XKR3: variants seen among roughly 807,000 people sequenced by gnomAD.
XKR3 encodes XK-related protein 3.
XKR3 carries 27 observed loss-of-function variants against 40.3 expected under a neutral mutation model. The ratio of observed to expected loss-of-function variants is 0.67; its 90% confidence interval spans 0.49 to 0.92. The LOEUF is 0.92. Ranked by LOEUF, XKR3 falls within the 40% of genes least tolerant of loss-of-function variation. XKR3 has a pLI of 0.00. For synonymous variants in XKR3, 193 were observed against 195.4 expected (o/e 0.99, Z 0.10); for missense variants, 472 against 537.6 (o/e 0.88, Z 1.21).
At chr22:16,789,860 A>G (rs2060106616) in intron 3 of XKR3, among the ~76,000 whole-genome samples, 1 of 152,246 alleles carries the variant, frequency 6.6e-6, no homozygotes, top group South Asian at 2.1e-4. Flanking sequence ...AGAGATGCCA[A>G]GAACACAAAA....
intron 3 of XKR3, among the ~76,000 whole-genome samples, chr22:16,797,892 G>A (rs1601843164): frequency 6.6e-6 from 1 of 151,542 alleles, no homozygotes; most frequent in East Asian, 1.9e-4. Context: ...CTCAGCATAA[G>A]TCCATGTGCA....
intron 3 of XKR3, among the ~76,000 whole-genome samples, chr22:16,787,207 TAGAAAGTTC>T (rs1029077157): frequency 6.6e-6 from 1 of 151,514 alleles, no homozygotes; most frequent in African/African-American, 2.4e-5. Flanking sequence ...AAAAGAAATC[TAGAAAGTTC>T]ATAGGATTTA....
chr22:16,803,847 T>C (rs577394320), intron 2 of XKR3, among the ~76,000 whole-genome samples: 1 of 152,298 alleles, frequency 6.6e-6, no homozygotes, highest in African/African-American at 2.4e-5. Context: ...CCAGCAGCCT[T>C]TGGGCATGCT....
intron 1 of XKR3, among the ~76,000 whole-genome samples, chr22:16,821,996 C>T (rs5994029): frequency 0.6 from 90,967 of 151,844 alleles, 27,362 homozygotes; most frequent in African/African-American, 0.61. Flanking sequence ...AAATACATGA[C>T]ATTCTTACTG....
rs953197961 is a variant in XKR3, at chr22:16,791,717, G to C, written c.590-7308C>G. On this transcript the variant is annotated intron_variant, in intron 3 of 3. Coordinates refer to ENST00000684488, the MANE Select transcript of XKR3 (RefSeq NM_001386955.1). ...AAAGAAAGGAGGCAGGGGGGAGAGA[G>C]AGAGGGAGAGAGGGAGAAAGAGGGA... is the stretch of plus-strand genomic sequence containing the variant. Among the ~76,000 whole-genome samples the C allele has an allele frequency of 2.4e-3, 344 of 145,986 alleles. 2 individuals carry two copies. The highest frequency in any genetic ancestry group is 3.8e-3 in the Admixed American group (55 of 14,566).
intron 3 of XKR3, among the ~76,000 whole-genome samples, chr22:16,796,305 A>C (rs2060140377): frequency 6.6e-6 from 1 of 152,330 alleles, no homozygotes; most frequent in South Asian, 2.1e-4. Context: ...ACGCTATTAT[A>C]ATTCAAACAA....
At chr22:16,813,316 A>G (rs1334132434) in intron 1 of XKR3, among the ~76,000 whole-genome samples, 1 of 151,728 alleles carries the variant, frequency 6.6e-6, no homozygotes, top group East Asian at 1.9e-4. Context: ...CAAACAAACA[A>G]AAAAAAACAA....
intron 2 of XKR3, among the ~76,000 whole-genome samples, chr22:16,801,459 T>C (rs1342478590): frequency 6.6e-6 from 1 of 152,172 alleles, no homozygotes; most frequent in Non-Finnish European, 1.5e-5. Flanking sequence ...GGAGTATCGC[T>C]TGAGCCTGGG....
chr22:16,810,217 G>T (rs1440450166), intron 1 of XKR3, among the ~76,000 whole-genome samples: 5 of 152,114 alleles, frequency 3.3e-5, no homozygotes, highest in African/African-American at 1.2e-4. Flanking sequence ...ACTTATAGGA[G>T]TCTGTTGTAC....
rs756552478 is a variant in XKR3 at position 16,807,817 on chromosome 22, A to G, written c.257T>C (p.Met86Thr). The G allele has an allele frequency of 1.1e-5, 17 of 1,613,832 alleles. No homozygotes were observed. The highest frequency in any genetic ancestry group is 1.3e-5 in the Non-Finnish European group (15 of 1,179,882). Residue 86 changes from methionine (M) to threonine (T), a missense_variant, in exon 2 of 4, where the codon ATG becomes ACG. Coordinates refer to ENST00000684488, the MANE Select transcript of XKR3 (RefSeq NM_001386955.1). ...TCTCCTCAAGTCTTTGTTGAAAAAC[A>G]TCAGGATAATTTGATCCAAAATTGC... is the stretch of plus-strand genomic sequence containing the variant. ...VGAILDQIILMFFNKDLRRNK... is the reference protein window; with the variant it reads ...VGAILDQIILTFFNKDLRRNK...
intron 2 of XKR3, among the ~76,000 whole-genome samples, chr22:16,801,397 A>C (rs1161926049): frequency 1.3e-5 from 2 of 152,120 alleles, no homozygotes; most frequent in Non-Finnish European, 2.9e-5. Flanking sequence ...TACAAAAATT[A>C]GCCTGGTGTG....
chr22:16,822,385 T>TA (rs200544022), intron 1 of XKR3, among the ~76,000 whole-genome samples: 1 of 90,276 alleles, frequency 1.1e-5, no homozygotes, highest in Admixed American at 1.1e-4. Context: ...AATAGGAAAT[T>TA]AAAAAAATAA....
chr22:16,801,707 ACAGAAAAGG>A (rs1438472460), intron 2 of XKR3, among the ~76,000 whole-genome samples: 1 of 151,946 alleles, frequency 6.6e-6, no homozygotes, highest in Non-Finnish European at 1.5e-5. Context: ...AAAGCAAACA[ACAGAAAAGG>A]CAGAAAAGGC....
intron 1 of XKR3, among the ~76,000 whole-genome samples, chr22:16,821,031 G>T (rs942684047): frequency 6.6e-6 from 1 of 152,028 alleles, no homozygotes; most frequent in African/African-American, 2.4e-5. Context: ...GACTGACATA[G>T]ATTTCAAGTA....
At chr22:16,803,018 TA>T (rs2060175548) in intron 2 of XKR3, among the ~76,000 whole-genome samples, 1 of 152,158 alleles carries the variant, frequency 6.6e-6, no homozygotes, top group East Asian at 1.9e-4. Context: ...GCTGTAAAGT[TA>T]TGTTAATCAG....
At chr22:16,807,699 T>G in intron 2 of XKR3, 40 bp downstream of exon 2, 1 of 1,481,220 alleles carries the variant, frequency 6.8e-7, no homozygotes, top group Non-Finnish European at 9.1e-7. Flanking sequence ...TTCAATTTAC[T>G]TGTTGGAGGC....
intron 3 of XKR3, among the ~76,000 whole-genome samples, chr22:16,793,452 G>A (rs1240194451): frequency 6.6e-6 from 1 of 152,238 alleles, no homozygotes; most frequent in Non-Finnish European, 1.5e-5. Flanking sequence ...CACGGGTTAA[G>A]AGAAAACTGA....
intron 1 of XKR3, among the ~76,000 whole-genome samples, chr22:16,815,555 C>T (rs562784500): frequency 1.3e-5 from 2 of 152,022 alleles, no homozygotes; most frequent in South Asian, 2.1e-4. Flanking sequence ...TTGTTGAGAT[C>T]ACATTTTTGA....
At position 16,795,531 on chromosome 22, in the gene XKR3, G is replaced by A. The variant is rs1403784429; in HGVS notation, c.589+4240C>T. On this transcript the variant is annotated intron_variant, in intron 3 of 3. Coordinates refer to ENST00000684488, the MANE Select transcript of XKR3 (RefSeq NM_001386955.1). ...GGGGGAACCAACACCAAATCTAGCA[G>A]AAGAAAATAACTAAAGCTAGAGAAG... Among the ~76,000 whole-genome samples the A allele has an allele frequency of 2.0e-5, 3 of 152,004 alleles. No homozygotes were observed. The East Asian group carries it at 5.8e-4, about 29-fold the overall frequency.
Sources: gnomAD v4.1 joint callset for allele counts (sites outside exome capture counted in the v4.1 genomes callset) on GRCh38, gnomAD v4.1.1 for gene constraint, MANE v1.5 for transcripts, NCBI Gene and HGNC (gene_info 2026-07-23, HGNC 2026-07-21) for gene names.